The following TSPAN32 variants were observed in gnomAD, a reference collection of about 807,000 sequenced individuals.
The protein encoded by TSPAN32 is tetraspanin-32.
TSPAN32 carries 47 observed loss-of-function variants against 42.7 expected under a neutral mutation model. The ratio of observed to expected loss-of-function variants is 1.10; its 90% confidence interval spans 0.87 to 1.40. The LOEUF is 1.40. Among genes scored for constraint, TSPAN32 ranks in the 40% most tolerant of loss-of-function variants. The pLI, the probability that TSPAN32 is intolerant of heterozygous loss-of-function variation, is 0.00. For missense variants in TSPAN32, 469 were observed against 424.1 expected, an observed-to-expected ratio of 1.11 and a Z score of -0.93; for synonymous variants, 175 against 175.9, an observed-to-expected ratio of 0.99 and a Z score of 0.04.
In TSPAN32 at chr11:2,317,604, G is replaced by A; in HGVS notation, c.901+79G>A. On this transcript the variant is annotated intron_variant, in intron 9 of 9. Coordinates refer to ENST00000182290, the MANE Select transcript of TSPAN32 (RefSeq NM_139022.3). The surrounding 1 kb of genome is among the most constrained non-coding windows in gnomAD (Gnocchi z 6.2). ...GCTGTGAGGAGGGAAGGGAGTGAAGGCCCAGCCAGAGAGCCAGGCTCCATT... is the reference window on the plus strand; with the variant it reads ...GCTGTGAGGAGGGAAGGGAGTGAAGACCCAGCCAGAGAGCCAGGCTCCATT... 1 of 1,505,514 alleles carries A rather than the reference G, an allele frequency of 6.6e-7. No individual in the cohort carries two copies. Among genetic ancestry groups the A allele is most frequent in the East Asian group, 2.5e-5 (1 of 40,606 alleles). 93.3% of individuals were successfully genotyped at this position (1,505,514 alleles called of 1,614,324 possible). A position where few individuals can be genotyped will look rare whatever the true frequency, so the allele number is the denominator to read the frequency against.
In TSPAN32 at chr11:2,304,045, C is replaced by A; in HGVS notation, c.182-62C>A. ...TCCCAAGTTAGATTTCACACCCAGGCTGTGTGCACTCAGGACCTGTCCTGG... is the reference window on the plus strand; with the variant it reads ...TCCCAAGTTAGATTTCACACCCAGGATGTGTGCACTCAGGACCTGTCCTGG... On this transcript the variant is annotated intron_variant, in intron 2 of 9. Coordinates refer to ENST00000182290, the MANE Select transcript of TSPAN32 (RefSeq NM_139022.3). This position sits in a 1 kb window ranked among gnomAD's most constrained non-coding sequence, Gnocchi z 4.8. The A allele has an allele frequency of 2.3e-6, 3 of 1,293,490 alleles. No homozygotes were observed. The South Asian group carries it at 3.8e-5, about 16-fold the overall frequency. The allele number at this position is 1,293,490 out of a possible 1,614,324, so 80.1% of individuals were successfully genotyped here. A position where few individuals can be genotyped will look rare whatever the true frequency, so the allele number is the denominator to read the frequency against.
chr11:2,311,172 G>T (rs1848436147), intron 4 of TSPAN32, among the ~76,000 whole-genome samples: 1 of 152,190 alleles, frequency 6.6e-6, no homozygotes, highest in Non-Finnish European at 1.5e-5. Context: ...GGAAGGCAGA[G>T]GACAGAGGAG....
At chr11:2,314,965 G>A in intron 6 of TSPAN32, 1 of 312,710 alleles carries the variant, frequency 3.2e-6, no homozygotes, top group Non-Finnish European at 6.2e-6. Flanking sequence ...GGTGGGCTCT[G>A]TCTAGGGGGA....
At position 2,313,060 on chromosome 11, in the gene TSPAN32, G is replaced by T. The variant is rs1848559177; in HGVS notation, c.355-594G>T. ...GAGCGCAGGCAGCACATCCAGCCAG[G>T]CCCCGTCACCTTCCACCTTCTTCAC... On this transcript the variant is annotated intron_variant, in intron 4 of 9. Transcript: ENST00000182290. This position sits in a 1 kb window ranked among gnomAD's most constrained non-coding sequence, Gnocchi z 9.1. 6.6e-6 allele frequency among the ~76,000 whole-genome samples: 1 copy of T among 152,144 alleles called. No individual in the cohort carries two copies. The highest frequency in any genetic ancestry group is 1.5e-5 in the Non-Finnish European group (1 of 68,020).
intron 6 of TSPAN32, chr11:2,315,421 C>A: frequency 8.8e-7 from 1 of 1,135,538 alleles, no homozygotes; most frequent in Non-Finnish European, 1.1e-6. Context: ...GACCCCTGTG[C>A]CACCCAAGGA....
intron 4 of TSPAN32, among the ~76,000 whole-genome samples, chr11:2,312,783 C>A (rs1848539225): frequency 6.6e-6 from 1 of 152,226 alleles, no homozygotes; most frequent in Admixed American, 6.5e-5. Context: ...GCACCCCCTT[C>A]ATGTGTCTTG....
At chr11:2,303,621 G>C (rs1271231578) in intron 2 of TSPAN32, 1 of 166,984 alleles carries the variant, frequency 6.0e-6, no homozygotes, top group African/African-American at 2.4e-5. Context: ...GGAGGTCAGG[G>C]ATACTGCCTT....
At chr11:2,316,383 T>A in intron 7 of TSPAN32, 71 bp downstream of exon 7, 2 of 1,548,518 alleles carry the variant, frequency 1.3e-6, no homozygotes, top group Non-Finnish European at 1.7e-6. Context: ...CCGACTCAGA[T>A]GGAAGGGTGA....
At chr11:2,316,104 C>A in intron 6 of TSPAN32, 125 bp from the exon 7 acceptor site, 5 of 1,526,302 alleles carry the variant, frequency 3.3e-6, no homozygotes, top group Non-Finnish European at 4.4e-6. Context: ...ATGTGCCGCA[C>A]CCGCCGCCCT....
In TSPAN32 at chr11:2,318,169, A is replaced by G; in HGVS notation, c.*245A>G. 1 of 499,832 alleles carries G rather than the reference A, an allele frequency of 2.0e-6. No individual in the cohort carries two copies. The highest frequency in any genetic ancestry group is 3.5e-6 in the Non-Finnish European group (1 of 286,104). 31.0% of individuals were successfully genotyped at this position (499,832 alleles called of 1,614,324 possible). On this transcript the variant is annotated 3_prime_UTR_variant, in exon 10 of 10. Transcript: ENST00000182290. The surrounding 1 kb of genome is among the most constrained non-coding windows in gnomAD (Gnocchi z 4.2). ...CATTGTTAAGTGTATGGTTTGTGGCATTAAATACATTCACATTGTTGTGCA... is the reference window on the plus strand; with the variant it reads ...CATTGTTAAGTGTATGGTTTGTGGCGTTAAATACATTCACATTGTTGTGCA...
rs1277723717 is a variant in TSPAN32, at chr11:2,313,692, T to C, written c.393T>C (p.Tyr131=). 6.2e-7 allele frequency: 1 copy of C among 1,609,094 alleles called. No homozygotes were observed. Among genetic ancestry groups the C allele is most frequent in the African/African-American group, 1.3e-5 (1 of 74,816 alleles). The change falls in exon 5 of 10, where the codon TAT becomes TAC. Residue 131 remains tyrosine, a synonymous_variant. Transcript: ENST00000182290. The surrounding 1 kb of genome is among the most constrained non-coding windows in gnomAD (Gnocchi z 9.1). ...TGCTGGACACCTACGACCTGGTATA[T>C]GAGCAGGCGATGAAAGGTACGTCCC... ...DAMLDTYDLV[Y]EQAMKGTSHV...
chr11:2,303,530 T>A (rs897804164), intron 2 of TSPAN32: 3 of 167,474 alleles, frequency 1.8e-5, no homozygotes, highest in African/African-American at 4.8e-5. Context: ...GAGCCAGATC[T>A]GCAGGGGACT....
intron 1 of TSPAN32, 118 bp downstream of exon 1, chr11:2,302,333 C>CTGTCCTGCCCTTGCAGACATG (rs913426875): frequency 4.4e-6 from 5 of 1,144,106 alleles, no homozygotes; most frequent in South Asian, 2.7e-5. Flanking sequence ...CCTACTGTCC[C>CTGTCCTGCCCTTGCAGACATG]TGTCCTGCCC....
chr11:2,306,112 C>G (rs1054234113), intron 3 of TSPAN32, among the ~76,000 whole-genome samples: 1 of 150,342 alleles, frequency 6.7e-6, no homozygotes, highest in African/African-American at 2.5e-5. Context: ...TGTTGCCATA[C>G]GGGTGTGGTG....
chr11:2,306,549 GAGAGA>G (rs1848102539), intron 3 of TSPAN32, among the ~76,000 whole-genome samples: 1 of 142,148 alleles, frequency 7.0e-6, no homozygotes, highest in African/African-American at 3.0e-5. Context: ...TGGGGGGAGA[GAGAGA>G]AAGAGAGAAA....
intron 1 of TSPAN32, among the ~76,000 whole-genome samples, chr11:2,302,427 C>T (rs1010544924): frequency 3.3e-5 from 5 of 152,174 alleles, no homozygotes; most frequent in African/African-American, 4.8e-5. Flanking sequence ...TCCTGAGGGG[C>T]AGCACAGAGC....
rs11022259 is a variant in TSPAN32, at chr11:2,317,026, A to T, written c.720-318A>T. On this transcript the variant is annotated intron_variant, in intron 8 of 9. Coordinates refer to ENST00000182290, the MANE Select transcript of TSPAN32 (RefSeq NM_139022.3). This position sits in a 1 kb window ranked among gnomAD's most constrained non-coding sequence, Gnocchi z 6.2. ...TTAGGGGGCAGGGAGGGTCCAACCC[A>T]CAGCCAGGCAGCTCTTCCTGCCCCC... 6.6e-6 allele frequency among the ~76,000 whole-genome samples: 1 copy of T among 151,664 alleles called. No individual in the cohort carries two copies. Among genetic ancestry groups the T allele is most frequent in the Non-Finnish European group, 1.5e-5 (1 of 67,864 alleles).
At position 2,303,633 on chromosome 11, in the gene TSPAN32, GA is replaced by G. The variant is rs370130029; in HGVS notation, c.182-472del. The stretch of plus-strand genomic sequence containing the variant: ...CCAGGAGGTCAGGGATACTGCCTTA[GA>G]ACCCAATGCTTTTCCCCAAGTCCTA... On this transcript the variant is annotated intron_variant, in intron 2 of 9. Transcript: ENST00000182290. Among the ~76,000 whole-genome samples, 903 of 152,240 alleles carry G rather than the reference GA, an allele frequency of 5.9e-3. 6 individuals carry two copies. Among genetic ancestry groups the G allele is most frequent in the Non-Finnish European group, 0.01 (707 of 67,984 alleles).
intron 6 of TSPAN32, chr11:2,315,740 A>T (rs1420292092): frequency 4.9e-6 from 6 of 1,228,338 alleles, no homozygotes; most frequent in Non-Finnish European, 6.3e-6. Context: ...TCTGGGTGCC[A>T]TGCCCTGGGG....
Sources: allele counts gnomAD v4.1 joint callset (sites outside exome capture counted in the v4.1 genomes callset), GRCh38; gene constraint gnomAD v4.1.1; non-coding constraint Gnocchi (gnomAD v3.1); transcripts MANE v1.5; gene names NCBI Gene and HGNC (gene_info 2026-07-23, HGNC 2026-07-21).